PIK3C2G: variants seen among roughly 807,000 people sequenced by gnomAD.
The protein encoded by PIK3C2G is phosphatidylinositol-4-phosphate 3-kinase catalytic subunit type 2 gamma.
PIK3C2G carries 168 observed loss-of-function variants against 181.1 expected under a neutral mutation model. That is an observed-to-expected ratio of 0.93 (90% confidence interval 0.82 to 1.05). PIK3C2G has a LOEUF of 1.05. PIK3C2G is among the 50% of genes least tolerant of loss of function. PIK3C2G has a pLI of 0.00. For missense variants in PIK3C2G, 1,869 were observed against 1,732.8 expected (o/e 1.08, Z -1.40); for synonymous variants, 573 against 592.2 (o/e 0.97, Z 0.47).
At chr12:18,665,732 C>T in the PIK3C2G span, among the ~76,000 whole-genome samples, 2 of 151,894 alleles carry the variant, frequency 1.3e-5, no homozygotes, top group Admixed American at 6.6e-5. Flanking sequence ...GTCAGGAGAT[C>T]GAGACCATCC....
chr12:18,475,543 G>T (rs1344051175), intron 18 of PIK3C2G, among the ~76,000 whole-genome samples: 1 of 151,494 alleles, frequency 6.6e-6, no homozygotes, highest in Non-Finnish European at 1.5e-5. Flanking sequence ...CCAACGATGG[G>T]GGTTCAACAA....
At chr12:18,692,624 G>A in the PIK3C2G span, 8 of 576,866 alleles carry the variant, frequency 1.4e-5, no homozygotes, top group Admixed American at 1.3e-4. Flanking sequence ...GAGGTCAACC[G>A]CAATGGGGCA....
rs550070638 is a variant in PIK3C2G at position 18,459,884 on chromosome 12, T to G, written c.2505-28565T>G. Among the ~76,000 whole-genome samples, 3 of 152,232 alleles carry G rather than the reference T, an allele frequency of 2.0e-5. No homozygotes were observed. The South Asian group carries it at 6.2e-4, about 32-fold the overall frequency. The stretch of plus-strand genomic sequence containing the variant: ...TTCAAGTGATTCTCCTGCCTCAGCC[T>G]CCCAAGTAGCTGAGACTACAGGCAC... On this transcript the variant is annotated intron_variant, in intron 18 of 32. Transcript: ENST00000538779.
chr12:18,668,084 C>T, the PIK3C2G span, among the ~76,000 whole-genome samples: 3 of 152,144 alleles, frequency 2.0e-5, no homozygotes, highest in East Asian at 5.8e-4. Flanking sequence ...CGTAATTATA[C>T]TAAAAGAGTC....
intron 24 of PIK3C2G, among the ~76,000 whole-genome samples, chr12:18,519,782 A>G (rs1487672632): frequency 4.6e-5 from 7 of 151,986 alleles, no homozygotes; most frequent in African/African-American, 1.7e-4. Context: ...GTTATTTTGC[A>G]CACTAGTTGC....
upstream of PIK3C2G, among the ~76,000 whole-genome samples, chr12:18,245,653 T>A (rs937834238): frequency 6.6e-6 from 1 of 152,122 alleles, no homozygotes; most frequent in African/African-American, 2.4e-5. Context: ...AGGTTGCTAG[T>A]CGTTATACAT....
chr12:18,509,278 C>A (rs1384899089), intron 24 of PIK3C2G, among the ~76,000 whole-genome samples: 1 of 152,126 alleles, frequency 6.6e-6, no homozygotes, highest in Non-Finnish European at 1.5e-5. Context: ...GAACTCCCGA[C>A]CTCAGGCAAT....
At chr12:18,481,305 G>A (rs1939539160) in intron 18 of PIK3C2G, among the ~76,000 whole-genome samples, 1 of 152,114 alleles carries the variant, frequency 6.6e-6, no homozygotes, top group Non-Finnish European at 1.5e-5. Flanking sequence ...CCTGCATCAG[G>A]CTCCCGGGTT....
At chr12:18,573,428 T>G (rs532479119) in intron 29 of PIK3C2G, among the ~76,000 whole-genome samples, 1 of 152,294 alleles carries the variant, frequency 6.6e-6, no homozygotes, top group South Asian at 2.1e-4. Flanking sequence ...CTCCTGTGTC[T>G]GCAAAGTGGT....
chr12:18,556,911 A>C (rs1945042430), intron 26 of PIK3C2G, among the ~76,000 whole-genome samples: 1 of 152,280 alleles, frequency 6.6e-6, no homozygotes, highest in South Asian at 2.1e-4. Flanking sequence ...TATTCAAAAA[A>C]GTTTAAGACC....
chr12:18,520,818 CGTTT>C (rs1942865444), intron 24 of PIK3C2G, among the ~76,000 whole-genome samples: 1 of 152,054 alleles, frequency 6.6e-6, no homozygotes, highest in Non-Finnish European at 1.5e-5. Context: ...GGATTTTCAG[CGTTT>C]GTTTGCTGAT....
chr12:18,255,223 A>AT (rs1007182275), intron 1 of PIK3C2G, among the ~76,000 whole-genome samples: 4 of 110,788 alleles, frequency 3.6e-5, no homozygotes, highest in African/African-American at 1.4e-4. Flanking sequence ...TCAAAAATAA[A>AT]TAAATAAATA....
chr12:18,443,959 C>T (rs190889103), intron 18 of PIK3C2G, among the ~76,000 whole-genome samples: 4 of 151,878 alleles, frequency 2.6e-5, no homozygotes, highest in Admixed American at 1.3e-4. Flanking sequence ...CATTATATAA[C>T]TATGCAAATA....
downstream of PIK3C2G, chr12:18,648,489 A>G (rs2136869005): frequency 5.6e-6 from 1 of 180,000 alleles, no homozygotes; most frequent in South Asian, 2.0e-4. Context: ...AATCTTACTT[A>G]TTGAGGGAAT....
chr12:18,499,718 C>T (rs1303466418), intron 22 of PIK3C2G, among the ~76,000 whole-genome samples: 1 of 152,182 alleles, frequency 6.6e-6, no homozygotes, highest in African/African-American at 2.4e-5. Context: ...GATTGCAAAA[C>T]GCTGCTCAGG....
intron 24 of PIK3C2G, among the ~76,000 whole-genome samples, chr12:18,509,042 CT>C (rs1289981817): frequency 6.6e-6 from 1 of 151,744 alleles, no homozygotes; most frequent in Non-Finnish European, 1.5e-5. Flanking sequence ...ATTATTATTG[CT>C]TTTTTATTTT....
intron 31 of PIK3C2G, among the ~76,000 whole-genome samples, chr12:18,619,685 G>A (rs939681420): frequency 6.6e-6 from 1 of 151,120 alleles, no homozygotes; most frequent in African/African-American, 2.4e-5. Context: ...AGATGTATCT[G>A]TTATTAATAT....
At chr12:18,353,820 A>G (rs1431991639) in intron 11 of PIK3C2G, among the ~76,000 whole-genome samples, 1 of 152,168 alleles carries the variant, frequency 6.6e-6, no homozygotes. Context: ...CCTTTCCAGA[A>G]AGGCAGTGGG....
upstream of PIK3C2G, among the ~76,000 whole-genome samples, chr12:18,259,708 T>C (rs1412966002): frequency 6.6e-6 from 1 of 151,920 alleles, no homozygotes; most frequent in Non-Finnish European, 1.5e-5. Context: ...AATAACCTAA[T>C]TAATGTTAAC....
Sources: gnomAD v4.1 joint callset for allele counts (sites outside exome capture counted in the v4.1 genomes callset) on GRCh38, gnomAD v4.1.1 for gene constraint, MANE v1.5 for transcripts, NCBI Gene and HGNC (gene_info 2026-07-23, HGNC 2026-07-21) for gene names.